Variants in LETMD1 observed in about 807,000 individuals in gnomAD.
The protein encoded by LETMD1 is LETM1 domain-containing protein 1.
A neutral mutation model predicts 43.9 loss-of-function variants in LETMD1; 30 were observed. The observed-to-expected ratio is 0.68, with a 90% CI of 0.51 to 0.93. LETMD1 has a LOEUF of 0.93. LETMD1 is among the 40% of genes least tolerant of loss of function. The pLI, the probability that LETMD1 is intolerant of heterozygous loss-of-function variation, is 0.00. For missense variants in LETMD1, 413 were observed against 447.7 expected (o/e 0.92, Z 0.70); for synonymous variants, 176 against 163.1 (o/e 1.08, Z -0.60).
chr12:51,058,644 A>T (rs1948415145), intron 8 of LETMD1: 1 of 156,468 alleles, frequency 6.4e-6, no homozygotes, highest in South Asian at 1.9e-4. Flanking sequence ...CTGATCTCGA[A>T]CTCCCGACCT....
At chr12:51,063,593 A>C (rs12304202), downstream of LETMD1, 1,585 of 610,160 alleles carry the variant, frequency 2.6e-3, 17 homozygotes, top group African/African-American at 0.025. Flanking sequence ...CTTTTAAAAA[A>C]TACTCAAACA....
rs1592720918 is a variant in LETMD1 at position 51,059,697 on chromosome 12, T to G, written c.*266T>G. 1 of 470,998 alleles carries G rather than the reference T, an allele frequency of 2.1e-6. No individual in the cohort carries two copies. The highest frequency in any genetic ancestry group is 4.1e-5 in the East Asian group (1 of 24,392). 29.2% of individuals were successfully genotyped at this position (470,998 alleles called of 1,614,324 possible). On this transcript the variant is annotated 3_prime_UTR_variant, in exon 9 of 9. Coordinates refer to ENST00000262055, the MANE Select transcript of LETMD1 (RefSeq NM_015416.5). ...CCTCATAATTACTAATAGCTGGAAC[T>G]GGCAGCAGCCTCTACTGGGCTTTTA...
chr12:51,059,363 G>A lies in LETMD1; in HGVS notation c.1015G>A (p.Ala339Thr). 6.2e-7 allele frequency: 1 copy of A among 1,614,136 alleles called. No individual in the cohort carries two copies. The highest frequency in any genetic ancestry group is 8.5e-7 in the Non-Finnish European group (1 of 1,179,958). ...WLQISCSLKE[A>T]ELSLLLHNVV... ...AACCACTAACACTGTGTTTTCAGAA[G>A]CTGAGCTGTCTCTCTTGCTGCACAA... Residue 339 changes from alanine to threonine, a missense_variant and splice_region_variant, in exon 9 of 9, where the codon GCT becomes ACT. By Grantham distance (58) the Ala-to-Thr change is moderately conservative (BLOSUM62 0). Coordinates refer to ENST00000262055, the MANE Select transcript of LETMD1 (RefSeq NM_015416.5).
intron 2 of LETMD1, among the ~76,000 whole-genome samples, chr12:51,049,857 G>A (rs1358495265): frequency 6.6e-6 from 1 of 152,172 alleles, no homozygotes; most frequent in Non-Finnish European, 1.5e-5. Flanking sequence ...TACATGTAAA[G>A]TACCTAGAAC....
chr12:51,058,723 A>G (rs1948437578), intron 8 of LETMD1: 1 of 159,002 alleles, frequency 6.3e-6, no homozygotes. Context: ...TGTCCAGCCT[A>G]TCCTGTTCTT....
chr12:51,065,169 TG>T (rs1239523084), downstream of LETMD1, among the ~76,000 whole-genome samples: 2 of 152,166 alleles, frequency 1.3e-5, no homozygotes, highest in East Asian at 1.9e-4. Flanking sequence ...AAATACATTC[TG>T]GGGAAACTAA....
intron 3 of LETMD1, 150 bp downstream of exon 3, chr12:51,052,357 C>G (rs2136589783): frequency 2.4e-6 from 2 of 844,384 alleles, no homozygotes; most frequent in Non-Finnish European, 3.6e-6. Context: ...AATGAGGCAT[C>G]AGATTATTTG....
chr12:51,063,625 AAAGACCCC>A (rs1210705636), downstream of LETMD1: 6 of 790,204 alleles, frequency 7.6e-6, no homozygotes, highest in Non-Finnish European at 1.2e-5. Flanking sequence ...CCCATTCCCC[AAAGACCCC>A]AATAAAATAA....
Position 51,049,185 on chromosome 12 carries a change from G to C in LETMD1, c.274G>C (p.Gly92Arg). The change falls in exon 2 of 9, where the codon GGA (glycine) becomes CGA (arginine). Residue 92 changes from glycine to arginine, a missense_variant and splice_region_variant. Physicochemically the swap from Gly to Arg is moderately radical, Grantham distance 125 (BLOSUM62 -2). Transcript: ENST00000262055. ...FYVLYTIFMK[G>R]LQMLWADAKK... The stretch of plus-strand genomic sequence containing the variant: ...TGTCCTGTACACAATCTTCATGAAA[G>C]GTAAAAACGAAACTACAATAGAAAT... The C allele has an allele frequency of 1.2e-6, 2 of 1,607,322 alleles. No homozygotes were observed. Among genetic ancestry groups the C allele is most frequent in the African/African-American group, 2.7e-5 (2 of 74,648 alleles).
chr12:51,048,639 C>T (rs1016887961), intron 1 of LETMD1, 161 bp downstream of exon 1: 44 of 878,738 alleles, frequency 5.0e-5, no homozygotes, highest in Non-Finnish European at 6.6e-5. Context: ...ACTAGTGACC[C>T]GGCTTCCTGA....
Position 51,049,202 on chromosome 12 carries a change from A to T in LETMD1, c.274+17A>T. ...TCATGAAAGGTAAAAACGAAACTAC[A>T]ATAGAAATTCCGGAATCAGCTCTTG... On this transcript the variant is annotated intron_variant, in intron 2 of 8. Coordinates refer to ENST00000262055, the MANE Select transcript of LETMD1 (RefSeq NM_015416.5). 2 of 1,601,940 alleles carry T rather than the reference A, an allele frequency of 1.2e-6. No individual in the cohort carries two copies. The highest frequency in any genetic ancestry group is 1.7e-6 in the Non-Finnish European group (2 of 1,172,340).
chr12:51,058,244 A>G (rs1212945373), intron 8 of LETMD1, 116 bp downstream of exon 8: 1 of 697,152 alleles, frequency 1.4e-6, no homozygotes, highest in African/African-American at 1.8e-5. Context: ...ACATACATCT[A>G]ATTGAAAGGG....
At chr12:51,048,653 T>C in intron 1 of LETMD1, 175 bp downstream of exon 1, 1 of 754,858 alleles carries the variant, frequency 1.3e-6, no homozygotes, top group East Asian at 2.7e-5. Flanking sequence ...TTCCTGACCC[T>C]CTGTACTCTC....
chr12:51,054,475 T>A (rs1947062908), intron 4 of LETMD1, among the ~76,000 whole-genome samples: 1 of 152,194 alleles, frequency 6.6e-6, no homozygotes. Context: ...ATCACTCTTA[T>A]GTCTGGTGCC....
chr12:51,064,177 G>T, downstream of LETMD1: 4 of 1,614,180 alleles, frequency 2.5e-6, no homozygotes, highest in Non-Finnish European at 3.4e-6. Flanking sequence ...GAGGCAGTTG[G>T]GTGGTCTGAG....
chr12:51,048,956 TGCTTTACATTAGGGACTCAA>T lies in LETMD1; in HGVS notation c.123-76_123-57del. The stretch of plus-strand genomic sequence containing the variant: ...CTTGGGATACAATCTCCGAGACTCC[TGCTTTACATTAGGGACTCAA>T]GGCGTGAGGGAGCTTCTAGGACTGA... On this transcript the variant is annotated intron_variant, in intron 1 of 8. Transcript: ENST00000262055. 3 of 1,350,078 alleles carry T rather than the reference TGCTTTACATTAGGGACTCAA, an allele frequency of 2.2e-6. No individual in the cohort carries two copies. The Admixed American group carries it at 6.5e-5, about 29-fold the overall frequency. The allele number at this position is 1,350,078 out of a possible 1,614,324, so 83.6% of individuals were successfully genotyped here.
In LETMD1 at chr12:51,055,826, T is replaced by C. The variant is rs767912161; in HGVS notation, c.474-9T>C. On this transcript the variant is annotated splice_polypyrimidine_tract_variant and intron_variant, in intron 4 of 8. Coordinates refer to ENST00000262055, the MANE Select transcript of LETMD1 (RefSeq NM_015416.5). ...CAGCAAGTGAGTTTGTGATTCTTTC[T>C]CCTTTCAGGTACCTGTTTCCCAGGC... The C allele has an allele frequency of 2.5e-6, 4 of 1,578,504 alleles. No homozygotes were observed. In the Admixed American group the frequency reaches 7.5e-5, roughly 30 times the overall value.
At position 51,056,430 on chromosome 12, in the gene LETMD1, T is replaced by C; in HGVS notation, c.843T>C (p.Thr281=). The C allele has an allele frequency of 6.2e-7, 1 of 1,614,176 alleles. No homozygotes were observed. Among genetic ancestry groups the C allele is most frequent in the Admixed American group, 1.7e-5 (1 of 60,016 alleles). The stretch of plus-strand genomic sequence containing the variant: ...GACATCGTTTGAAGACTCATACAAC[T>C]GTGATTCACCAACTGGACAAGGCTT... ...LLRHRLKTHT[T]VIHQLDKALA... is the part of the protein sequence containing the mutation. The change falls in exon 7 of 9, where the codon ACT becomes ACC. Residue 281 remains threonine (T), a synonymous_variant. Transcript: ENST00000262055.
At chr12:51,052,790 T>A (rs543538121) in intron 3 of LETMD1, among the ~76,000 whole-genome samples, 152 of 135,722 alleles carry the variant, frequency 1.1e-3, no homozygotes, top group Non-Finnish European at 1.8e-3. Flanking sequence ...CAAAAAAAAA[T>A]AATAATAAAA....
Sources: allele counts gnomAD v4.1 joint callset (sites outside exome capture counted in the v4.1 genomes callset), GRCh38; gene constraint gnomAD v4.1.1; transcripts MANE v1.5; gene names NCBI Gene and HGNC (gene_info 2026-07-23, HGNC 2026-07-21).